Variants in RPS6KA2 observed in about 807,000 individuals in gnomAD.
RPS6KA2 encodes ribosomal protein S6 kinase A2.
A neutral mutation model predicts 91.8 loss-of-function variants in RPS6KA2; 42 were observed. That is an observed-to-expected ratio of 0.46 (90% CI 0.36 to 0.59). The LOEUF is 0.59. RPS6KA2 is among the 20% of genes least tolerant of loss of function. RPS6KA2 has a pLI of 0.00. For synonymous variants in RPS6KA2, 414 were observed against 393.6 expected (o/e 1.05, Z -0.61); for missense variants, 798 against 978.5 (o/e 0.82, Z 2.46).
intron 2 of RPS6KA2, among the ~76,000 whole-genome samples, chr6:166,712,289 C>A (rs1165833062): frequency 6.6e-6 from 1 of 152,188 alleles, no homozygotes; most frequent in Non-Finnish European, 1.5e-5. Flanking sequence ...GAGGGCAAGG[C>A]CAGCAGCAGG....
intron 1 of RPS6KA2, among the ~76,000 whole-genome samples, chr6:166,617,861 C>T (rs534174691): frequency 3.9e-5 from 6 of 152,360 alleles, no homozygotes; most frequent in Admixed American, 2.6e-4. Flanking sequence ...GTCCAGCCTG[C>T]GGCACCTTCC....
At chr6:166,431,108 A>G (rs1388621680) in intron 15 of RPS6KA2, among the ~76,000 whole-genome samples, 1 of 152,048 alleles carries the variant, frequency 6.6e-6, no homozygotes, top group East Asian at 1.9e-4. Flanking sequence ...TTGTATTTTT[A>G]GTAGAGACAG....
intron 2 of RPS6KA2, among the ~76,000 whole-genome samples, chr6:166,844,995 A>G (rs1292238103): frequency 1.3e-5 from 2 of 152,192 alleles, no homozygotes; most frequent in Non-Finnish European, 2.9e-5. Flanking sequence ...GAGTAGCATA[A>G]ACTTAAGATA....
chr6:166,432,364 A>G (rs367768440), intron 15 of RPS6KA2, 37 bp downstream of exon 15: 6 of 1,343,586 alleles, frequency 4.5e-6, no homozygotes, highest in Non-Finnish European at 5.3e-6. Context: ...GAAGAAACAG[A>G]AGGAAGTGGA....
At chr6:166,551,214 C>T (rs146221537) in intron 1 of RPS6KA2, among the ~76,000 whole-genome samples, 6 of 152,256 alleles carry the variant, frequency 3.9e-5, no homozygotes, top group African/African-American at 7.2e-5. Flanking sequence ...TGGACTGATG[C>T]TCCCCTAATC....
At chr6:166,545,180 T>G (rs1420972283) in intron 1 of RPS6KA2, among the ~76,000 whole-genome samples, 1 of 152,242 alleles carries the variant, frequency 6.6e-6, no homozygotes, top group Non-Finnish European at 1.5e-5. Context: ...CTGGTCATTT[T>G]CAGAGTTTGA....
intron 2 of RPS6KA2, among the ~76,000 whole-genome samples, chr6:166,641,719 CAAAAAAAAAAAAAAAAAAAAAAAAA>C (rs71032871): frequency 0.018 from 514 of 28,550 alleles, 13 homozygotes; most frequent in Middle Eastern, 0.083. Flanking sequence ...GACTCTGTCA[CAAAAAAAAAAAAAAAAAAAAAAAAA>C]AAAAAAAAAA....
At chr6:166,689,179 C>T (rs755167093) in intron 2 of RPS6KA2, among the ~76,000 whole-genome samples, 7 of 152,248 alleles carry the variant, frequency 4.6e-5, no homozygotes, top group African/African-American at 7.2e-5. Context: ...TTCTCAGTGC[C>T]GAGCACCATG....
chr6:166,731,434 T>C (rs1241449553), intron 2 of RPS6KA2, among the ~76,000 whole-genome samples: 2 of 151,434 alleles, frequency 1.3e-5, no homozygotes, highest in African/African-American at 2.4e-5. Context: ...TGATTTATGA[T>C]TAAAAGGGGG....
At chr6:166,432,617 G>A (rs960026719) in intron 14 of RPS6KA2, 127 bp from the exon 15 acceptor site, 11 of 581,782 alleles carry the variant, frequency 1.9e-5, no homozygotes, top group South Asian at 4.4e-5. Context: ...TCTCACACCC[G>A]ACCAAGAGAT....
chr6:166,484,364 A>G (rs1456942111), intron 10 of RPS6KA2, among the ~76,000 whole-genome samples: 1 of 152,156 alleles, frequency 6.6e-6, no homozygotes, highest in Non-Finnish European at 1.5e-5. Flanking sequence ...CTGCCTGGCC[A>G]GTAAAGCCGC....
At position 166,626,215 on chromosome 6, in the gene RPS6KA2, C is replaced by T. The variant is rs1021707596; in HGVS notation, c.99+706G>A. Among the ~76,000 whole-genome samples, 2 of 152,228 alleles carry T rather than the reference C, an allele frequency of 1.3e-5. No homozygotes were observed. Among genetic ancestry groups the T allele is most frequent in the Non-Finnish European group, 2.9e-5 (2 of 68,044 alleles). ...TTGATGGTTGAAATAAAACACACCA[C>T]GAGAGAACCGTCCACAAGGAAACTC... On this transcript the variant is annotated intron_variant, in intron 1 of 20. Coordinates refer to ENST00000265678, the MANE Select transcript of RPS6KA2 (RefSeq NM_021135.6). This position sits in a 1 kb window ranked among gnomAD's most constrained non-coding sequence, Gnocchi z 4.1.
At chr6:166,830,948 C>T (rs570880917) in intron 2 of RPS6KA2, among the ~76,000 whole-genome samples, 65 of 152,316 alleles carry the variant, frequency 4.3e-4, no homozygotes, top group African/African-American at 1.5e-3. Context: ...TGGCCAGACC[C>T]AGGCTCTCCC....
intron 2 of RPS6KA2, among the ~76,000 whole-genome samples, chr6:166,804,492 T>C (rs904714972): frequency 6.6e-6 from 1 of 151,852 alleles, no homozygotes. Context: ...TAACAAGACA[T>C]ATGATCTGGA....
intron 2 of RPS6KA2, among the ~76,000 whole-genome samples, chr6:166,655,059 A>G (rs1582990334): frequency 6.6e-6 from 1 of 152,212 alleles, no homozygotes; most frequent in Non-Finnish European, 1.5e-5. Context: ...CTAGACACTG[A>G]CAACCCACCG....
Position 166,423,319 on chromosome 6 carries a change from C to G in RPS6KA2, c.1680G>C (p.Gln560His). ...IRVCDFGFAK[Q>H]LRAGNGLLMT... ...TGAGCAGCCCGTTCCCCGCGCGCAG[C>G]TGCTTGGCAAAGCCGAAGTCGCAGA... The change falls in exon 17 of 21, where the codon CAG becomes CAC. Residue 560 changes from glutamine (Q) to histidine (H), a missense_variant. By Grantham distance (24) the Gln-to-His change is conservative. Transcript: ENST00000265678. The surrounding 1 kb of genome is among the most constrained non-coding windows in gnomAD (Gnocchi z 4.8). The G allele has an allele frequency of 6.2e-7, 1 of 1,614,140 alleles. No homozygotes were observed. Among genetic ancestry groups the G allele is most frequent in the Non-Finnish European group, 8.5e-7 (1 of 1,180,010 alleles).
In RPS6KA2 at chr6:166,672,306, G is replaced by A. The variant is rs114697807; in HGVS notation, c.124-133522C>T. The stretch of plus-strand genomic sequence containing the variant: ...CACAAGCGATACTCAACCAGAAGCC[G>A]CCAACATTCAGGGAAGAGAAGGAAA... On this transcript the variant is annotated intron_variant, in intron 2 of 21. Transcript: ENST00000503859. Among the ~76,000 whole-genome samples the A allele has an allele frequency of 5.1e-3, 775 of 152,170 alleles. 4 individuals are homozygous for A. Among genetic ancestry groups the A allele is most frequent in the African/African-American group, 0.018 (733 of 41,514 alleles).
chr6:166,762,577 C>A (rs956472181), intron 2 of RPS6KA2, among the ~76,000 whole-genome samples: 8 of 152,172 alleles, frequency 5.3e-5, no homozygotes, highest in African/African-American at 1.9e-4. Context: ...TCGCACTGGG[C>A]TGTAAGCCGG....
At chr6:166,772,402 G>C (rs1236946564) in intron 2 of RPS6KA2, among the ~76,000 whole-genome samples, 1 of 152,220 alleles carries the variant, frequency 6.6e-6, no homozygotes. Context: ...GAATGGAGTC[G>C]AGCAAGGAGG....
Sources: allele counts gnomAD v4.1 joint callset (sites outside exome capture counted in the v4.1 genomes callset), GRCh38; gene constraint gnomAD v4.1.1; non-coding constraint Gnocchi (gnomAD v3.1); transcripts MANE v1.5; gene names NCBI Gene and HGNC (gene_info 2026-07-23, HGNC 2026-07-21).